Variants in TBL1XR1 observed in about 807,000 individuals in gnomAD.
TBL1XR1 encodes F-box-like/WD repeat-containing protein TBL1XR1.
In TBL1XR1, 5 loss-of-function variants were observed where a neutral mutation model predicts 66.9. The observed-to-expected ratio is 0.07, with a 90% CI of 0.04 to 0.16. TBL1XR1 has a LOEUF of 0.16. Among genes scored for constraint, TBL1XR1 ranks in the 10% least tolerant of loss-of-function variants. The pLI is 1.00. For missense variants in TBL1XR1, 238 were observed against 623.2 expected, an observed-to-expected ratio of 0.38 and a Z score of 6.58; for synonymous variants, 210 against 206.0, an observed-to-expected ratio of 1.02 and a Z score of -0.17.
At position 177,038,192 on chromosome 3, in the gene TBL1XR1, T is replaced by A; in HGVS notation, c.1048-20A>T. 1.2e-6 allele frequency: 2 copies of A among 1,611,200 alleles called. No individual in the cohort carries two copies. The highest frequency in any genetic ancestry group is 1.7e-6 in the Non-Finnish European group (2 of 1,178,138). On this transcript the variant is annotated intron_variant, in intron 11 of 15. Coordinates refer to ENST00000457928, the MANE Select transcript of TBL1XR1 (RefSeq NM_024665.7). Reference sequence around the variant, plus strand: ...TTCATTCTAAAAATAATAGTAAATATTCACATTTTCATTGTATAGACTGGG... The same window carrying A: ...TTCATTCTAAAAATAATAGTAAATAATCACATTTTCATTGTATAGACTGGG...
chr3:177,131,738 G>C (rs1183543144), intron 1 of TBL1XR1, among the ~76,000 whole-genome samples: 1 of 151,918 alleles, frequency 6.6e-6, no homozygotes, highest in African/African-American at 2.4e-5. Flanking sequence ...CTGGCCTCGA[G>C]TGATCCACTC....
intron 1 of TBL1XR1, among the ~76,000 whole-genome samples, chr3:177,175,160 G>C (rs1734011003): frequency 6.6e-6 from 1 of 152,150 alleles, no homozygotes; most frequent in Non-Finnish European, 1.5e-5. Context: ...TTAGTATTTA[G>C]AAGATTATAA....
intron 10 of TBL1XR1, chr3:177,045,079 A>G (rs1020639472): frequency 6.6e-6 from 1 of 152,168 alleles, no homozygotes; most frequent in Non-Finnish European, 1.5e-5. Flanking sequence ...CAGATACTAC[A>G]GAAAAATCAT....
intron 1 of TBL1XR1, among the ~76,000 whole-genome samples, chr3:177,128,057 T>C (rs1228829467): frequency 2.0e-5 from 3 of 151,868 alleles, no homozygotes; most frequent in Admixed American, 6.6e-5. Flanking sequence ...CCATCTCTAC[T>C]AAAATGCAAA....
chr3:177,159,571 CTT>C (rs777005510), intron 1 of TBL1XR1, among the ~76,000 whole-genome samples: 2 of 152,166 alleles, frequency 1.3e-5, no homozygotes, highest in Admixed American at 6.5e-5. Context: ...TCCATTCTCT[CTT>C]CTTTCTTAAA....
chr3:177,123,799 A>T (rs915879253), intron 1 of TBL1XR1, among the ~76,000 whole-genome samples: 1 of 26,650 alleles, frequency 3.8e-5, no homozygotes, highest in Admixed American at 5.9e-4. Context: ...CATTTTGAAC[A>T]ATCTACTCAA....
At chr3:177,027,683 A>G (rs934540240) in intron 14 of TBL1XR1, 1 of 152,258 alleles carries the variant, frequency 6.6e-6, no homozygotes, top group Admixed American at 6.5e-5. Flanking sequence ...CAAGATGACA[A>G]GCTGGAAGAA....
At chr3:177,156,664 C>T (rs1045326530) in intron 1 of TBL1XR1, among the ~76,000 whole-genome samples, 3 of 151,648 alleles carry the variant, frequency 2.0e-5, no homozygotes, top group Admixed American at 6.6e-5. Flanking sequence ...ACATATGACC[C>T]AAATTTTCAA....
intron 3 of TBL1XR1, among the ~76,000 whole-genome samples, chr3:177,061,219 T>C (rs1281402155): frequency 6.6e-6 from 1 of 152,168 alleles, no homozygotes; most frequent in Non-Finnish European, 1.5e-5. Context: ...GTAAATCCCT[T>C]CTCCACAGCA....
At chr3:177,195,626 A>G (rs1267032057) in intron 1 of TBL1XR1, 1 of 151,882 alleles carries the variant, frequency 6.6e-6, no homozygotes, top group Non-Finnish European at 1.5e-5. Context: ...GTAGATGAAC[A>G]CACCACGAGG....
At chr3:177,171,635 G>A (rs1465471390) in intron 1 of TBL1XR1, among the ~76,000 whole-genome samples, 4 of 142,930 alleles carry the variant, frequency 2.8e-5, no homozygotes, top group South Asian at 2.2e-4. Context: ...CCCGGGAGGC[G>A]GAGCTTGCAG....
At chr3:177,049,584 G>GA (rs1553815147) in intron 7 of TBL1XR1, among the ~76,000 whole-genome samples, 1 of 152,086 alleles carries the variant, frequency 6.6e-6, no homozygotes, top group African/African-American at 2.4e-5. Flanking sequence ...ACAAGAACAT[G>GA]TTTTTTGCTA....
At chr3:177,190,059 G>C (rs1735943448) in intron 1 of TBL1XR1, among the ~76,000 whole-genome samples, 1 of 142,990 alleles carries the variant, frequency 7.0e-6, no homozygotes, top group African/African-American at 2.6e-5. Context: ...CTTGAACCCA[G>C]GAGACGGAGG....
chr3:177,177,568 C>A (rs1380221048), intron 1 of TBL1XR1, among the ~76,000 whole-genome samples: 1 of 152,184 alleles, frequency 6.6e-6, no homozygotes, highest in South Asian at 2.1e-4. Flanking sequence ...TATTATTTGA[C>A]TCGATTGCCA....
chr3:177,192,092 C>CAA (rs34461843), intron 1 of TBL1XR1, among the ~76,000 whole-genome samples: 6,336 of 64,462 alleles, frequency 0.098, 601 homozygotes, highest in East Asian at 0.56. Context: ...GACTCTGTCT[C>CAA]AAAAAAAAAA....
rs542097355 is a variant in TBL1XR1 at position 177,165,558 on chromosome 3, C to G, written c.-122+31563G>C. On this transcript the variant is annotated intron_variant, in intron 1 of 15. Coordinates refer to ENST00000457928, the MANE Select transcript of TBL1XR1 (RefSeq NM_024665.7). ...TGAAAGGATTTGCCCTACTTGACCT[C>G]AAGACTTCCTAAAAAGCTACAGTTA... is the stretch of plus-strand genomic sequence containing the variant. Among the ~76,000 whole-genome samples, 56 of 152,176 alleles carry G rather than the reference C, an allele frequency of 3.7e-4. No individual in the cohort carries two copies. In the South Asian group the frequency reaches 3.7e-3, roughly 10 times the overall value.
At chr3:177,105,796 G>T (rs139063382) in intron 1 of TBL1XR1, among the ~76,000 whole-genome samples, 133 of 152,214 alleles carry the variant, frequency 8.7e-4, no homozygotes, top group African/African-American at 3.0e-3. Flanking sequence ...GTGTGGGTGT[G>T]TGTGTGCATG....
At chr3:177,107,433 T>A (rs761919580) in intron 1 of TBL1XR1, among the ~76,000 whole-genome samples, 6 of 152,230 alleles carry the variant, frequency 3.9e-5, no homozygotes, top group Non-Finnish European at 7.3e-5. Flanking sequence ...ATATTTCATT[T>A]AACTACCACA....
chr3:177,115,514 GCCT>G (rs1311792626), intron 1 of TBL1XR1, among the ~76,000 whole-genome samples: 4 of 152,142 alleles, frequency 2.6e-5, no homozygotes, highest in African/African-American at 9.6e-5. Context: ...CCTTTGCTCT[GCCT>G]CCTTTGTCCA....
Sources: gnomAD v4.1 joint callset for allele counts (sites outside exome capture counted in the v4.1 genomes callset) on GRCh38, gnomAD v4.1.1 for gene constraint, MANE v1.5 for transcripts, NCBI Gene and HGNC (gene_info 2026-07-23, HGNC 2026-07-21) for gene names.